The following FGD5 variants were observed in gnomAD, a reference collection of about 807,000 sequenced individuals.
FGD5 encodes the protein FYVE, RhoGEF and PH domain-containing protein 5.
A neutral mutation model predicts 133.4 loss-of-function variants in FGD5; 28 were observed. The ratio of observed to expected loss-of-function variants is 0.21; its 90% CI spans 0.16 to 0.29. The LOEUF (loss-of-function observed/expected upper bound fraction) is 0.29. Ranked by LOEUF, FGD5 falls within the 10% of genes least tolerant of loss-of-function variation. The pLI, the probability that FGD5 is intolerant of heterozygous loss-of-function variation, is 1.00. For missense variants in FGD5, 1,858 were observed against 1,895.2 expected, an observed-to-expected ratio of 0.98 and a Z score of 0.36; for synonymous variants, 810 against 776.5, an observed-to-expected ratio of 1.04 and a Z score of -0.72.
chr3:14,925,100 CAAAAAAAAAAA>C (rs10714568), intron 17 of FGD5, among the ~76,000 whole-genome samples: 4 of 71,820 alleles, frequency 5.6e-5, no homozygotes, highest in African/African-American at 2.5e-4. Flanking sequence ...GACTCTGTCT[CAAAAAAAAAAA>C]AAAAAAAAAA....
rs138500454 is a variant in FGD5, at chr3:14,917,625, T to TG, written c.3489+296dup. Among the ~76,000 whole-genome samples, 404 of 152,124 alleles carry TG rather than the reference T, an allele frequency of 2.7e-3. 3 individuals carry two copies. Among genetic ancestry groups the TG allele is most frequent in the African/African-American group, 9.1e-3 (376 of 41,512 alleles). On this transcript the variant is annotated intron_variant, in intron 12 of 19. Coordinates refer to ENST00000285046, the MANE Select transcript of FGD5 (RefSeq NM_152536.4). This position sits in a 1 kb window ranked among gnomAD's most constrained non-coding sequence, Gnocchi z 4.1. ...GGAGGAAAATGCATAAGGAAGGGCC[T>TG]GGGTTGGGGGAACAAGCAGGTGGTT...
intron 2 of FGD5, among the ~76,000 whole-genome samples, chr3:14,878,197 G>A (rs1328659297): frequency 6.6e-6 from 1 of 152,188 alleles, no homozygotes; most frequent in Non-Finnish European, 1.5e-5. Context: ...CAGTGTGTGA[G>A]ACCGGGTTGG....
In FGD5 at chr3:14,917,427, G is replaced by T. The variant is rs2038581118; in HGVS notation, c.3489+95G>T. ...CCTGCTCCCAGGAGCACCCAGACCA[G>T]CTGGAAGAGGGAGGCCCTGCGGAAA... is the stretch of plus-strand genomic sequence containing the variant. On this transcript the variant is annotated intron_variant, in intron 12 of 19. Transcript: ENST00000285046. This position sits in a 1 kb window ranked among gnomAD's most constrained non-coding sequence, Gnocchi z 4.1. 2 of 1,142,240 alleles carry T rather than the reference G, an allele frequency of 1.8e-6. No homozygotes were observed. Among genetic ancestry groups the T allele is most frequent in the Non-Finnish European group, 2.5e-6 (2 of 790,410 alleles). The allele number at this position is 1,142,240 out of a possible 1,614,324, so 70.8% of individuals were successfully genotyped here.
chr3:14,927,949 AT>A (rs972630434), intron 18 of FGD5, among the ~76,000 whole-genome samples: 26 of 137,542 alleles, frequency 1.9e-4, no homozygotes, highest in South Asian at 1.9e-3. Context: ...TTTTTTTTTA[AT>A]TTTTTTTTTT....
rs925362198 is a variant in FGD5 at position 14,819,128 on chromosome 3, C to T, written c.57C>T (p.Asn19=). The change falls in exon 1 of 20, where the codon AAC becomes AAT. Residue 19 remains asparagine (N), a synonymous_variant. Coordinates refer to ENST00000285046, the MANE Select transcript of FGD5 (RefSeq NM_152536.4). The surrounding 1 kb of genome is among the most constrained non-coding windows in gnomAD (Gnocchi z 4.1). ...CCAAGCCCAGGCTGACTGCCCCAAA[C>T]GAGTGGAGAGCCAGTGTGTACCTGA... ...IAPKPRLTAP[N]EWRASVYLND... 3.4e-5 allele frequency: 53 copies of T among 1,550,878 alleles called. No homozygotes were observed. The highest frequency in any genetic ancestry group is 7.3e-5 in the East Asian group (3 of 40,930).
At chr3:14,816,116 G>C (rs1034911107), upstream of FGD5, among the ~76,000 whole-genome samples, 5 of 152,188 alleles carry the variant, frequency 3.3e-5, no homozygotes, top group African/African-American at 1.2e-4. Context: ...CTTTCCCTAG[G>C]AGACAGTGCC....
chr3:14,835,642 C>T (rs2036803981), intron 1 of FGD5, among the ~76,000 whole-genome samples: 1 of 152,176 alleles, frequency 6.6e-6, no homozygotes, highest in African/African-American at 2.4e-5. Flanking sequence ...CAGTAAGCAC[C>T]CTTTGGAAAA....
At chr3:14,925,116 A>C (rs1026959047) in intron 17 of FGD5, among the ~76,000 whole-genome samples, 1 of 151,132 alleles carries the variant, frequency 6.6e-6, no homozygotes, top group South Asian at 2.1e-4. Flanking sequence ...AAAAAAAAAA[A>C]AAAAAAAAAA....
chr3:14,867,571 A>G (rs1002538724), intron 2 of FGD5, among the ~76,000 whole-genome samples: 12 of 152,264 alleles, frequency 7.9e-5, no homozygotes, highest in African/African-American at 2.6e-4. Flanking sequence ...GTCCCCCAAG[A>G]GGCTGTGACA....
Position 14,837,741 on chromosome 3 carries a change from C to T in FGD5, c.2525+16145C>T, listed in dbSNP as rs972872807. The stretch of plus-strand genomic sequence containing the variant: ...GTTTTGGGCTTAGAGCCCTGAGTCT[C>T]TAAGCGTGGAACTGGCCCAGAAAAG... On this transcript the variant is annotated intron_variant, in intron 1 of 19. Transcript: ENST00000285046. 5.3e-5 allele frequency among the ~76,000 whole-genome samples: 8 copies of T among 152,314 alleles called. No individual in the cohort carries two copies. In the South Asian group the frequency reaches 6.2e-4, roughly 12 times the overall value.
At position 14,821,369 on chromosome 3, in the gene FGD5, C is replaced by A; in HGVS notation, c.2298C>A (p.Phe766Leu). The change falls in exon 1 of 20, where the codon TTC (phenylalanine) becomes TTA (leucine). Residue 766 changes from phenylalanine to leucine, a missense_variant. By Grantham distance (22) the Phe-to-Leu change is conservative. Transcript: ENST00000285046. ...TGACCAAGCCACGGTCCATCTCCTT[C>A]CCCAGCGCTGACACTTCAGACTATG... is the stretch of plus-strand genomic sequence containing the variant. Reference protein sequence around the residue: ...LPLTKPRSISFPSADTSDYEN... With the variant: ...LPLTKPRSISLPSADTSDYEN... The A allele has an allele frequency of 1.2e-6, 2 of 1,614,006 alleles. No individual in the cohort carries two copies. The highest frequency in any genetic ancestry group is 2.2e-5 in the South Asian group (2 of 91,074).
At chr3:14,893,542 C>T (rs961499556) in intron 4 of FGD5, among the ~76,000 whole-genome samples, 4 of 152,012 alleles carry the variant, frequency 2.6e-5, no homozygotes, top group African/African-American at 9.7e-5. Flanking sequence ...AAGACGGAGT[C>T]TCAATATATT....
Position 14,934,027 on chromosome 3 carries a change from G to C in FGD5, c.*860G>C, listed in dbSNP as rs1040092728. On this transcript the variant is annotated 3_prime_UTR_variant, in exon 20 of 20. Coordinates refer to ENST00000285046, the MANE Select transcript of FGD5 (RefSeq NM_152536.4). ...GTCAAGGTCTGCTTTAATTTATTGT[G>C]TGCCTTTCTGTGTTTACCTCACTCA... 1 of 152,216 alleles carries C rather than the reference G, an allele frequency of 6.6e-6. No homozygotes were observed. Among genetic ancestry groups the C allele is most frequent in the African/African-American group, 2.4e-5 (1 of 41,452 alleles). The allele number at this position is 152,216 out of a possible 1,614,324, so 9.4% of individuals were successfully genotyped here. A position where few individuals can be genotyped will look rare whatever the true frequency, so the allele number is the denominator to read the frequency against.
At chr3:14,867,517 A>G (rs549435228) in intron 2 of FGD5, among the ~76,000 whole-genome samples, 3 of 152,154 alleles carry the variant, frequency 2.0e-5, no homozygotes, top group African/African-American at 7.2e-5. Context: ...AATGGACCAG[A>G]GAGCAGGCAT....
chr3:14,850,478 G>A (rs1325933215), intron 1 of FGD5, among the ~76,000 whole-genome samples: 2 of 152,010 alleles, frequency 1.3e-5, no homozygotes, highest in Non-Finnish European at 2.9e-5. Context: ...TTCAGCGTGA[G>A]CCAGGTACTG....
At chr3:14,833,446 A>C (rs1395911441) in intron 1 of FGD5, among the ~76,000 whole-genome samples, 1 of 152,208 alleles carries the variant, frequency 6.6e-6, no homozygotes, top group East Asian at 1.9e-4. Flanking sequence ...GAATCTGCTC[A>C]GGAACCTCCT....
intron 1 of FGD5, 136 bp from the exon 2 acceptor site, chr3:14,863,992 T>C: frequency 8.0e-7 from 1 of 1,245,054 alleles, no homozygotes; most frequent in Non-Finnish European, 1.1e-6. Context: ...TGGCTGGGGG[T>C]GGGGAAGTAG....
At chr3:14,859,705 C>T (rs1205152478) in intron 1 of FGD5, among the ~76,000 whole-genome samples, 2 of 152,192 alleles carry the variant, frequency 1.3e-5, no homozygotes, top group Non-Finnish European at 2.9e-5. Context: ...AAAACCCATT[C>T]CTCATGCCTG....
chr3:14,826,288 T>C (rs574581862), intron 1 of FGD5, among the ~76,000 whole-genome samples: 23 of 152,108 alleles, frequency 1.5e-4, no homozygotes, highest in African/African-American at 4.6e-4. Flanking sequence ...TCTCCCTCTC[T>C]CCCTCTCCTC....
Sources: gnomAD v4.1 joint callset for allele counts (sites outside exome capture counted in the v4.1 genomes callset) on GRCh38, gnomAD v4.1.1 for gene constraint, Gnocchi (gnomAD v3.1) non-coding constraint, MANE v1.5 for transcripts, NCBI Gene and HGNC (gene_info 2026-07-23, HGNC 2026-07-21) for gene names.